The following GLT8D2 variants were observed in gnomAD, a reference collection of about 807,000 sequenced individuals.
GLT8D2 encodes the protein glycosyltransferase 8 domain containing 2.
GLT8D2 carries 45 observed loss-of-function variants against 44.5 expected under a neutral mutation model. That is an observed-to-expected ratio of 1.01 (90% confidence interval 0.80 to 1.30). The LOEUF is 1.30. Among genes scored for constraint, GLT8D2 ranks in the 50% most tolerant of loss-of-function variants. The pLI is 0.00. For missense variants in GLT8D2, 400 were observed against 430.4 expected, an observed-to-expected ratio of 0.93 and a Z score of 0.62; for synonymous variants, 156 against 157.2, an observed-to-expected ratio of 0.99 and a Z score of 0.06.
Position 103,996,848 on chromosome 12 carries a change from C to T in GLT8D2, c.488-1G>A. ...GTGTCATACAGTTCTTGGATATCAC[C>T]TGAATTTAGAAACACCACCAAGTAA... On this transcript the variant is annotated splice_acceptor_variant, in intron 7 of 10. Coordinates refer to ENST00000360814, the MANE Select transcript of GLT8D2 (RefSeq NM_001384711.1). LOFTEE classifies it high-confidence loss of function. 6.2e-7 allele frequency: 1 copy of T among 1,607,758 alleles called. No individual in the cohort carries two copies. Among genetic ancestry groups the T allele is most frequent in the Non-Finnish European group, 8.5e-7 (1 of 1,175,772 alleles).
At chr12:104,007,245 T>TCTCTCTCTCTCTCTCTCC (rs1875167271) in intron 4 of GLT8D2, among the ~76,000 whole-genome samples, 1 of 145,586 alleles carries the variant, frequency 6.9e-6, no homozygotes, top group Non-Finnish European at 1.5e-5. Context: ...TCTCTCTCTC[T>TCTCTCTCTCTCTCTCTCC]CTCTCTCTCT....
At position 104,014,948 on chromosome 12, in the gene GLT8D2, C is replaced by A. The variant is rs191340282; in HGVS notation, c.112+65G>T. On this transcript the variant is annotated intron_variant, in intron 4 of 10. Coordinates refer to ENST00000360814, the MANE Select transcript of GLT8D2 (RefSeq NM_001384711.1). ...CCCTGAACCCAGCTATTGAAAGGAC[C>A]TAGAGGAACATATTCAAACCACATT... 121 of 1,152,282 alleles carry A rather than the reference C, an allele frequency of 1.1e-4. 1 individual carries two copies. Among genetic ancestry groups the A allele is most frequent in the Non-Finnish European group, 1.2e-5 (9 of 772,014 alleles). The allele number at this position is 1,152,282 out of a possible 1,614,324, so 71.4% of individuals were successfully genotyped here.
chr12:104,014,550 G>A (rs1876308314), intron 4 of GLT8D2, among the ~76,000 whole-genome samples: 1 of 152,160 alleles, frequency 6.6e-6, no homozygotes, highest in Non-Finnish European at 1.5e-5. Context: ...TGAGAGTTAT[G>A]AGGCTGACTT....
intron 4 of GLT8D2, among the ~76,000 whole-genome samples, chr12:104,009,856 C>T (rs1244706456): frequency 6.6e-6 from 1 of 152,136 alleles, no homozygotes; most frequent in Non-Finnish European, 1.5e-5. Context: ...TCTTTTGCTG[C>T]TGCCATGTAA....
chr12:103,990,419 C>G (rs923657177), intron 10 of GLT8D2, among the ~76,000 whole-genome samples: 7 of 152,130 alleles, frequency 4.6e-5, no homozygotes, highest in Middle Eastern at 3.4e-3. Context: ...GTCATGACTT[C>G]GAGAGACTAT....
chr12:104,058,484 A>G (rs572422324), intron 1 of GLT8D2, among the ~76,000 whole-genome samples: 1 of 152,330 alleles, frequency 6.6e-6, no homozygotes, highest in South Asian at 2.1e-4. Flanking sequence ...GTGTGAAGCC[A>G]GATTGCTTCC....
rs751825925 is a variant in GLT8D2, at chr12:103,993,398, G to C, written c.874C>G (p.His292Asp). ...GTTTTTCTGAAATACTTACCCAGGT[G>C]CCTTATGTGCCACAGGGGGTTAATT... ...STINPLWHIR[H>D]LGWNPDARYS... Residue 292 changes from histidine (H) to aspartate (D), a missense_variant, in exon 10 of 11, where the codon CAC (histidine) becomes GAC (aspartate). Physicochemically the swap from His to Asp is moderately conservative, Grantham distance 81. Coordinates refer to ENST00000360814, the MANE Select transcript of GLT8D2 (RefSeq NM_001384711.1). 3.1e-6 allele frequency: 5 copies of C among 1,609,342 alleles called. No individual in the cohort carries two copies. In the African/African-American group the frequency reaches 6.7e-5, roughly 21 times the overall value.
chr12:104,021,946 AAGAAGAAG>A, intron 1 of GLT8D2, among the ~76,000 whole-genome samples: 1 of 22,204 alleles, frequency 4.5e-5, no homozygotes, highest in East Asian at 4.6e-3. Flanking sequence ...GAAGAAGAAG[AAGAAGAAG>A]AGGAAGAAGA....
At chr12:103,999,652 T>C in intron 5 of GLT8D2, 138 bp from the exon 6 acceptor site, 2 of 616,698 alleles carry the variant, frequency 3.2e-6, no homozygotes, top group Admixed American at 5.1e-5. Context: ...TTTAGTCCAA[T>C]AAATCCCTCT....
At position 103,994,392 on chromosome 12, in the gene GLT8D2, T is replaced by C; in HGVS notation, c.710A>G (p.Glu237Gly). Residue 237 changes from glutamate (E) to glycine (G), a missense_variant, in exon 9 of 11, where the codon GAA (glutamate) becomes GGA (glycine). Physicochemically the swap from Glu to Gly is moderately conservative, Grantham distance 98. Transcript: ENST00000360814. ...NPGVIVANMT[E>G]WKHQRITKQL... ...CTTGGTGATGCGCTGGTGCTTCCAT[T>C]CTGTCATGTTGGCAACAATCACACC... 6.2e-7 allele frequency: 1 copy of C among 1,614,094 alleles called. No homozygotes were observed. Among genetic ancestry groups the C allele is most frequent in the Non-Finnish European group, 8.5e-7 (1 of 1,179,982 alleles).
Position 103,996,841 on chromosome 12 carries a change from A to C in GLT8D2, c.494T>G (p.Ile165Ser). ...CAAGGTGGTGTCATACAGTTCTTGG[A>C]TATCACCTGAATTTAGAAACACCAC... Reference protein sequence around the residue: ...LDDDVIVQGDIQELYDTTLAL... With the variant: ...LDDDVIVQGDSQELYDTTLAL... Residue 165 changes from isoleucine to serine, a missense_variant, in exon 8 of 11, where the codon ATC becomes AGC. Transcript: ENST00000360814. The C allele has an allele frequency of 6.2e-7, 1 of 1,610,584 alleles. No individual in the cohort carries two copies. The highest frequency in any genetic ancestry group is 8.5e-7 in the Non-Finnish European group (1 of 1,177,872).
chr12:104,033,549 A>T (rs1317735945), intron 1 of GLT8D2, among the ~76,000 whole-genome samples: 3 of 152,186 alleles, frequency 2.0e-5, no homozygotes, highest in Non-Finnish European at 4.4e-5. Context: ...TGCCGTTATA[A>T]GATGAGCAAG....
intron 5 of GLT8D2, among the ~76,000 whole-genome samples, chr12:104,000,273 A>G (rs1182965272): frequency 6.6e-6 from 1 of 152,246 alleles, no homozygotes; most frequent in East Asian, 1.9e-4. Context: ...CTAACAGCAA[A>G]ATAGGCAAGA....
chr12:104,034,064 TA>T (rs568272715), intron 1 of GLT8D2, among the ~76,000 whole-genome samples: 12 of 152,302 alleles, frequency 7.9e-5, no homozygotes, highest in African/African-American at 2.9e-4. Flanking sequence ...TGAGAACTAA[TA>T]TTTGATAAAA....
At chr12:103,996,197 A>T (rs1303504755) in intron 8 of GLT8D2, among the ~76,000 whole-genome samples, 1 of 152,228 alleles carries the variant, frequency 6.6e-6, no homozygotes, top group Non-Finnish European at 1.5e-5. Context: ...TCAGCATTGC[A>T]TGTAGGTTCA....
At chr12:104,046,499 T>C (rs1052041199) in intron 1 of GLT8D2, among the ~76,000 whole-genome samples, 1 of 152,204 alleles carries the variant, frequency 6.6e-6, no homozygotes, top group Non-Finnish European at 1.5e-5. Context: ...CTTAACCACC[T>C]TGATAGTTAC....
chr12:104,024,914 A>G (rs1262699828), intron 1 of GLT8D2, among the ~76,000 whole-genome samples: 1 of 151,940 alleles, frequency 6.6e-6, no homozygotes, highest in Non-Finnish European at 1.5e-5. Flanking sequence ...CTACTAAAAC[A>G]CAAAAATTAA....
chr12:104,020,594 T>C (rs1248113042), intron 2 of GLT8D2, among the ~76,000 whole-genome samples: 1 of 152,102 alleles, frequency 6.6e-6, no homozygotes, highest in East Asian at 1.9e-4. Context: ...ATAAAAGTAT[T>C]AGATTATGGT....
upstream of GLT8D2, among the ~76,000 whole-genome samples, chr12:104,052,707 A>G (rs149843861): frequency 1.7e-3 from 264 of 152,210 alleles, no homozygotes; most frequent in African/African-American, 5.8e-3. Context: ...GAGAGGCTTG[A>G]CATGATGCCC....
Sources: gnomAD v4.1 joint callset for allele counts (sites outside exome capture counted in the v4.1 genomes callset) on GRCh38, gnomAD v4.1.1 for gene constraint, MANE v1.5 for transcripts, NCBI Gene and HGNC (gene_info 2026-07-23, HGNC 2026-07-21) for gene names.